Variants in DNAJC1 observed in about 807,000 individuals in gnomAD.
The protein encoded by DNAJC1 is DnaJ heat shock protein family (Hsp40) member C1.
In DNAJC1, 58 loss-of-function variants were observed where a neutral mutation model predicts 76.6. The ratio of observed to expected loss-of-function variants is 0.76; its 90% confidence interval spans 0.61 to 0.94. The LOEUF is 0.94. Among genes scored for constraint, DNAJC1 ranks in the 40% least tolerant of loss-of-function variants. The pLI is 0.00. For missense variants in DNAJC1, 689 were observed against 677.3 expected, an observed-to-expected ratio of 1.02 and a Z score of -0.19; for synonymous variants, 258 against 267.9, an observed-to-expected ratio of 0.96 and a Z score of 0.36.
chr10:21,971,933 C>G (rs990852244), intron 1 of DNAJC1, among the ~76,000 whole-genome samples: 7 of 151,730 alleles, frequency 4.6e-5, no homozygotes, highest in African/African-American at 1.7e-4. Flanking sequence ...CAGAAAAACT[C>G]AAAAATTGGA....
At chr10:21,819,295 G>C (rs1835120157) in intron 8 of DNAJC1, among the ~76,000 whole-genome samples, 1 of 151,900 alleles carries the variant, frequency 6.6e-6, no homozygotes, top group Non-Finnish European at 1.5e-5. Flanking sequence ...CAGCTACCTG[G>C]GAAGCTGAGG....
Position 21,834,121 on chromosome 10 carries a change from G to A in DNAJC1, c.979-28022C>T, listed in dbSNP as rs186759402. On this transcript the variant is annotated intron_variant, in intron 8 of 11. Coordinates refer to ENST00000376980, the MANE Select transcript of DNAJC1 (RefSeq NM_022365.4). Reference sequence around the variant, plus strand: ...CTACTAAAAATACAAAAAATTAACCGGGCACGGTGGCGGGCGCCTGTAGTC... The same window carrying A: ...CTACTAAAAATACAAAAAATTAACCAGGCACGGTGGCGGGCGCCTGTAGTC... Among the ~76,000 whole-genome samples the A allele has an allele frequency of 2.7e-4, 41 of 152,122 alleles. No individual in the cohort carries two copies. The Middle Eastern group carries it at 0.017, about 63-fold the overall frequency.
intron 1 of DNAJC1, among the ~76,000 whole-genome samples, chr10:21,932,035 A>G (rs1036611753): frequency 2.0e-5 from 3 of 152,140 alleles, no homozygotes; most frequent in Non-Finnish European, 4.4e-5. Context: ...AAAACAAAAC[A>G]AAACGAAAAA....
At chr10:21,894,500 G>A (rs887306846) in intron 7 of DNAJC1, among the ~76,000 whole-genome samples, 3 of 152,182 alleles carry the variant, frequency 2.0e-5, no homozygotes, top group African/African-American at 4.8e-5. Context: ...GAACCTGGGA[G>A]GTGTAGATTG....
At chr10:21,970,073 T>C (rs1837954278) in intron 1 of DNAJC1, among the ~76,000 whole-genome samples, 1 of 152,196 alleles carries the variant, frequency 6.6e-6, no homozygotes. Context: ...AAATTAACCT[T>C]TTAACAATTT....
intron 8 of DNAJC1, among the ~76,000 whole-genome samples, chr10:21,815,674 T>G (rs1835063009): frequency 6.6e-6 from 1 of 152,150 alleles, no homozygotes; most frequent in Admixed American, 6.5e-5. Flanking sequence ...TTTCTCTATT[T>G]TTTTATGGTT....
At chr10:21,853,789 A>C (rs1255480498) in intron 8 of DNAJC1, among the ~76,000 whole-genome samples, 1 of 133,560 alleles carries the variant, frequency 7.5e-6, no homozygotes, top group African/African-American at 3.0e-5. Context: ...CTCCATCTCA[A>C]AAAAAAAAAA....
chr10:21,899,637 C>T (rs1836612684), intron 7 of DNAJC1, among the ~76,000 whole-genome samples: 1 of 152,220 alleles, frequency 6.6e-6, no homozygotes, highest in Non-Finnish European at 1.5e-5. Context: ...CTGGGCTGGA[C>T]CTCCCTGTGG....
Position 21,959,615 on chromosome 10 carries a change from G to C in DNAJC1, c.223-30474C>G, listed in dbSNP as rs184446717. On this transcript the variant is annotated intron_variant, in intron 1 of 11. Transcript: ENST00000376980. ...AGCCTGGCCAAAATGGTGAAACTCT[G>C]TCTCTACTGAAAATACAAAAATGAG... 4.7e-4 allele frequency among the ~76,000 whole-genome samples: 71 copies of C among 151,580 alleles called. 1 individual carries two copies. The highest frequency in any genetic ancestry group is 8.1e-4 in the Non-Finnish European group (55 of 67,860).
At chr10:21,949,404 C>T (rs1194075763) in intron 1 of DNAJC1, among the ~76,000 whole-genome samples, 1 of 113,208 alleles carries the variant, frequency 8.8e-6, no homozygotes, top group Non-Finnish European at 1.8e-5. Flanking sequence ...CCCCCCACCC[C>T]CTTCTTCTTT....
At chr10:21,934,839 C>G (rs527962389) in intron 1 of DNAJC1, among the ~76,000 whole-genome samples, 1 of 152,154 alleles carries the variant, frequency 6.6e-6, no homozygotes, top group Non-Finnish European at 1.5e-5. Flanking sequence ...TGACTATATA[C>G]TTCTGGCTCC....
intron 3 of DNAJC1, among the ~76,000 whole-genome samples, chr10:21,927,423 C>T (rs376608190): frequency 2.0e-5 from 3 of 152,118 alleles, no homozygotes; most frequent in Non-Finnish European, 4.4e-5. Flanking sequence ...GTATTACCCC[C>T]CTAGTGAAGG....
At chr10:21,919,782 A>C in intron 5 of DNAJC1, 50 bp downstream of exon 5, 1 of 1,249,392 alleles carries the variant, frequency 8.0e-7, no homozygotes, top group Non-Finnish European at 1.1e-6. Context: ...CATATTAAAG[A>C]TGTATTTTAA....
At chr10:21,971,002 G>A (rs72806951) in intron 1 of DNAJC1, among the ~76,000 whole-genome samples, 5,145 of 151,762 alleles carry the variant, frequency 0.034, 140 homozygotes, top group African/African-American at 0.07. Context: ...AATAGTCACC[G>A]CAATCAAGCT....
chr10:21,783,778 C>A (rs1322648396), intron 9 of DNAJC1, among the ~76,000 whole-genome samples: 1 of 152,070 alleles, frequency 6.6e-6, no homozygotes, highest in Admixed American at 6.6e-5. Flanking sequence ...CTTTGACAAA[C>A]CTGACAAAAA....
At chr10:21,864,825 C>G (rs993636099) in intron 8 of DNAJC1, among the ~76,000 whole-genome samples, 1 of 152,062 alleles carries the variant, frequency 6.6e-6, no homozygotes, top group Non-Finnish European at 1.5e-5. Flanking sequence ...GAGAACGTAT[C>G]TGCAAAACAT....
chr10:21,769,968 G>C (rs1021357714), intron 9 of DNAJC1, among the ~76,000 whole-genome samples: 1 of 152,168 alleles, frequency 6.6e-6, no homozygotes, highest in Non-Finnish European at 1.5e-5. Flanking sequence ...TTACAGGCGT[G>C]AGCCACTGCG....
intron 7 of DNAJC1, among the ~76,000 whole-genome samples, chr10:21,891,476 CA>C (rs369729722): frequency 0.021 from 811 of 38,864 alleles, 9 homozygotes; most frequent in African/African-American, 0.055. Flanking sequence ...ACAAAGTAGA[CA>C]AAAAAAAAAA....
At chr10:21,901,977 T>C (rs1433626074) in intron 7 of DNAJC1, among the ~76,000 whole-genome samples, 1 of 152,206 alleles carries the variant, frequency 6.6e-6, no homozygotes. Context: ...AAAATATTAT[T>C]TGCATGTAAC....
Sources: allele counts gnomAD v4.1 joint callset (sites outside exome capture counted in the v4.1 genomes callset), GRCh38; gene constraint gnomAD v4.1.1; transcripts MANE v1.5; gene names NCBI Gene and HGNC (gene_info 2026-07-23, HGNC 2026-07-21).